CDCA7L: variants seen among roughly 807,000 people sequenced by gnomAD.
The protein encoded by CDCA7L is cell division cycle-associated 7-like protein.
CDCA7L carries 44 observed loss-of-function variants against 57.4 expected under a neutral mutation model. That is an observed-to-expected ratio of 0.77 (90% CI 0.60 to 0.98). CDCA7L has a LOEUF of 0.98. Among genes scored for constraint, CDCA7L ranks in the 50% least tolerant of loss-of-function variants. The pLI is 0.00. For synonymous variants in CDCA7L, 236 were observed against 202.8 expected (o/e 1.16, Z -1.39); for missense variants, 644 against 580.6 (o/e 1.11, Z -1.12).
In CDCA7L at chr7:21,901,219, G is replaced by T. The variant is rs1784813400; in HGVS notation, c.*1103C>A. 1 of 1,613,792 alleles carries T rather than the reference G, an allele frequency of 6.2e-7. No individual in the cohort carries two copies. Among genetic ancestry groups the T allele is most frequent in the Non-Finnish European group, 8.5e-7 (1 of 1,179,782 alleles). ...GAGCGAAGAGAAGACTGCAAAATGG[G>T]TTCTGGCTGGAGTGGCTCTGCTTCT... On this transcript the variant is annotated 3_prime_UTR_variant, in exon 10 of 10. Transcript: ENST00000406877.
chr7:21,930,469 G>T (rs1019382263), intron 1 of CDCA7L, among the ~76,000 whole-genome samples: 1 of 151,960 alleles, frequency 6.6e-6, no homozygotes, highest in South Asian at 2.1e-4. Context: ...GGCCGAGGTG[G>T]GCAGATCACG....
At chr7:21,939,494 G>C (rs1346933029) in intron 1 of CDCA7L, among the ~76,000 whole-genome samples, 1 of 152,204 alleles carries the variant, frequency 6.6e-6, no homozygotes, top group East Asian at 1.9e-4. Flanking sequence ...TTTTGGCAGA[G>C]ATCCTGGGAG....
intron 9 of CDCA7L, 78 bp from the exon 10 acceptor site, chr7:21,902,430 T>C: frequency 7.2e-7 from 1 of 1,389,340 alleles, no homozygotes; most frequent in Non-Finnish European, 1.0e-6. Context: ...GATTCCACAA[T>C]CATCTAAGAG....
chr7:21,945,852 C>G lies in CDCA7L; in HGVS notation c.-48G>C, dbSNP rs773780773. 10 of 1,572,938 alleles carry G rather than the reference C, an allele frequency of 6.4e-6. No homozygotes were observed. Among genetic ancestry groups the G allele is most frequent in the Middle Eastern group, 1.9e-4 (1 of 5,344 alleles). On this transcript the variant is annotated 5_prime_UTR_variant, in exon 1 of 10. Coordinates refer to ENST00000406877, the MANE Select transcript of CDCA7L (RefSeq NM_018719.5). ...TCCTCCCAGCACGCGGCCACGGGAG[C>G]CCGGACTCACCACGGCCCGGCGCAC... is the stretch of plus-strand genomic sequence containing the variant.
chr7:21,900,908 A>G lies in CDCA7L; in HGVS notation c.*1414T>C. The G allele has an allele frequency of 4.7e-6, 7 of 1,477,786 alleles. No homozygotes were observed. The highest frequency in any genetic ancestry group is 6.3e-6 in the Non-Finnish European group (7 of 1,114,992). The allele number at this position is 1,477,786 out of a possible 1,614,324, so 91.5% of individuals were successfully genotyped here. A position where few individuals can be genotyped will look rare whatever the true frequency, so the allele number is the denominator to read the frequency against. On this transcript the variant is annotated 3_prime_UTR_variant, in exon 10 of 10. Transcript: ENST00000406877. ...CACTGACAAGCAAAAATATGACAAA[A>G]CCAGAATGTTGAATGTTTATTGCAT...
chr7:21,930,171 A>C (rs370592582), intron 1 of CDCA7L, among the ~76,000 whole-genome samples: 1 of 152,202 alleles, frequency 6.6e-6, no homozygotes, highest in Non-Finnish European at 1.5e-5. Flanking sequence ...ACTCACTCAA[A>C]ACCGCACAAC....
At chr7:21,940,420 T>C (rs949420924) in intron 1 of CDCA7L, 1 of 370,998 alleles carries the variant, frequency 2.7e-6, no homozygotes, top group Non-Finnish European at 3.7e-6. Context: ...AGGCATCTAA[T>C]ACATGCTGGA....
intron 3 of CDCA7L, among the ~76,000 whole-genome samples, chr7:21,908,908 G>T (rs187932090): frequency 6.6e-6 from 1 of 152,180 alleles, no homozygotes; most frequent in African/African-American, 2.4e-5. Context: ...ACGCAACGGG[G>T]GAAAAATGCT....
intron 1 of CDCA7L, among the ~76,000 whole-genome samples, chr7:21,932,696 A>C (rs1786052806): frequency 6.6e-6 from 1 of 152,178 alleles, no homozygotes; most frequent in Non-Finnish European, 1.5e-5. Flanking sequence ...AACCATAAAC[A>C]CCCTAGAAAA....
chr7:21,925,967 A>C (rs902466370), intron 1 of CDCA7L, among the ~76,000 whole-genome samples: 1 of 152,218 alleles, frequency 6.6e-6, no homozygotes, highest in African/African-American at 2.4e-5. Flanking sequence ...AGCCAGACAC[A>C]GAGGCACACA....
At chr7:21,921,342 C>CAAAAA (rs5882833) in intron 1 of CDCA7L, among the ~76,000 whole-genome samples, 53,649 of 121,098 alleles carry the variant, frequency 0.44, 12,421 homozygotes, top group Non-Finnish European at 0.49. Context: ...CAAGATTTGC[C>CAAAAA]AAAAAAAAAA....
At position 21,905,415 on chromosome 7, in the gene CDCA7L, G is replaced by C. The variant is rs144149479; in HGVS notation, c.1047+91C>G. The C allele has an allele frequency of 1.1e-3, 1,592 of 1,392,364 alleles. 36 individuals are homozygous for C. In the Admixed American group the frequency reaches 0.027, roughly 23 times the overall value. 86.3% of individuals were successfully genotyped at this position (1,392,364 alleles called of 1,614,324 possible). ...CTGGCTCTGAGCCCTTGGTGAGATG[G>C]CATAAGCCCTGATAGAGTTTAAAAA... is the stretch of plus-strand genomic sequence containing the variant. On this transcript the variant is annotated intron_variant, in intron 7 of 9. Coordinates refer to ENST00000406877, the MANE Select transcript of CDCA7L (RefSeq NM_018719.5).
intron 1 of CDCA7L, among the ~76,000 whole-genome samples, chr7:21,922,224 A>G (rs1436720067): frequency 6.6e-6 from 1 of 152,200 alleles, no homozygotes; most frequent in Non-Finnish European, 1.5e-5. Flanking sequence ...CCCCTTTCAG[A>G]AAGGACTGCA....
intron 1 of CDCA7L, among the ~76,000 whole-genome samples, chr7:21,921,645 T>G (rs960766674): frequency 7.4e-5 from 11 of 149,076 alleles, no homozygotes; most frequent in Non-Finnish European, 4.4e-5. Flanking sequence ...ATAAAGCCAA[T>G]CATAAGACTC....
Position 21,906,653 on chromosome 7 carries a change from C to G in CDCA7L, c.682-14G>C. On this transcript the variant is annotated splice_polypyrimidine_tract_variant and intron_variant, in intron 4 of 9. Coordinates refer to ENST00000406877, the MANE Select transcript of CDCA7L (RefSeq NM_018719.5). ...TAACTGGGCAAGCTGAAGTTCAGAA[C>G]AAAAGAAAGAATCTTACAAAAATAG... 1 of 1,613,374 alleles carries G rather than the reference C, an allele frequency of 6.2e-7. No homozygotes were observed. The highest frequency in any genetic ancestry group is 1.1e-5 in the South Asian group (1 of 91,042).
At chr7:21,944,824 T>C (rs1187244567) in intron 1 of CDCA7L, 1 of 146,440 alleles carries the variant, frequency 6.8e-6, no homozygotes, top group Non-Finnish European at 1.5e-5. Context: ...TAAACACCAG[T>C]CGGAAGCAAG....
Position 21,902,312 on chromosome 7 carries a change from T to C in CDCA7L, c.*10A>G, listed in dbSNP as rs1339409283. On this transcript the variant is annotated 3_prime_UTR_variant, in exon 10 of 10. Coordinates refer to ENST00000406877, the MANE Select transcript of CDCA7L (RefSeq NM_018719.5). ...CTATGGTGAGGTGGCTGGTTCTGTT[T>C]GTTTTCCTCTTAATTGTCTTCTACC... 8 of 1,613,626 alleles carry C rather than the reference T, an allele frequency of 5.0e-6. No homozygotes were observed. The highest frequency in any genetic ancestry group is 1.3e-5 in the African/African-American group (1 of 74,944).
In CDCA7L at chr7:21,945,847, G is replaced by C. The variant is rs770130712; in HGVS notation, c.-43C>G. On this transcript the variant is annotated 5_prime_UTR_variant, in exon 1 of 10. Transcript: ENST00000406877. ...CAGTCTCCTCCCAGCACGCGGCCAC[G>C]GGAGCCCGGACTCACCACGGCCCGG... The C allele has an allele frequency of 1.8e-5, 29 of 1,587,448 alleles. No homozygotes were observed. The South Asian group carries it at 2.4e-4, about 13-fold the overall frequency.
rs565810833 is a variant in CDCA7L at position 21,900,977 on chromosome 7, A to C, written c.*1345T>G. On this transcript the variant is annotated 3_prime_UTR_variant, in exon 10 of 10. Coordinates refer to ENST00000406877, the MANE Select transcript of CDCA7L (RefSeq NM_018719.5). ...ATTATCATTAGTAGCAAGCTGCCAC[A>C]CAATTGCAACCGCTGTGTTTTTGCC... The C allele has an allele frequency of 3.9e-6, 6 of 1,539,656 alleles. No homozygotes were observed. The highest frequency in any genetic ancestry group is 5.2e-6 in the Non-Finnish European group (6 of 1,144,302).
Sources: gnomAD v4.1 joint callset for allele counts (sites outside exome capture counted in the v4.1 genomes callset) on GRCh38, gnomAD v4.1.1 for gene constraint, MANE v1.5 for transcripts, NCBI Gene and HGNC (gene_info 2026-07-23, HGNC 2026-07-21) for gene names.